The following SF1 variants were observed in gnomAD, a reference collection of about 807,000 sequenced individuals.
SF1 encodes the protein splicing factor 1.
SF1 carries 7 observed loss-of-function variants against 62.5 expected under a neutral mutation model. The ratio of observed to expected loss-of-function variants is 0.11; its 90% CI spans 0.06 to 0.21. The LOEUF (loss-of-function observed/expected upper bound fraction) is 0.21. Ranked by LOEUF, SF1 falls within the 10% of genes least tolerant of loss-of-function variation. The probability of loss-of-function intolerance (pLI) is 1.00; values close to 1 mark genes in which losing one functional copy is unlikely to be tolerated. For synonymous variants in SF1, 394 were observed against 323.6 expected, an observed-to-expected ratio of 1.22 and a Z score of -2.33; for missense variants, 578 against 884.0, an observed-to-expected ratio of 0.65 and a Z score of 4.39.
At chr11:64,775,292 C>T (rs1939012420) in intron 2 of SF1, among the ~76,000 whole-genome samples, 1 of 152,140 alleles carries the variant, frequency 6.6e-6, no homozygotes, top group Non-Finnish European at 1.5e-5. Context: ...ACTAGCCCTC[C>T]ACAAAAACAG....
chr11:64,778,043 G>A (rs1243816848), intron 1 of SF1: 4 of 1,010,952 alleles, frequency 4.0e-6, no homozygotes, highest in East Asian at 1.9e-4. Flanking sequence ...CTGGGGTGGC[G>A]GCGGCTGCGG....
At chr11:64,777,883 C>G (rs1939609470) in intron 1 of SF1, 14 of 937,232 alleles carry the variant, frequency 1.5e-5, no homozygotes, top group Non-Finnish European at 1.8e-5. Flanking sequence ...CGTGCGCGCA[C>G]GCGCGCCCCT....
rs539733038 is a variant in SF1 at position 64,769,791 on chromosome 11, G to A, written c.479+173C>T. 3.0e-4 allele frequency: 216 copies of A among 720,444 alleles called. 1 individual carries two copies. Among genetic ancestry groups the A allele is most frequent in the East Asian group, 2.6e-3 (98 of 38,034 alleles). 44.6% of individuals were successfully genotyped at this position (720,444 alleles called of 1,614,324 possible). ...GTAAACCTGAGGATTTGACTTCTCC[G>A]CACTAGTGGGGAAGTTAAGACACCT... On this transcript the variant is annotated intron_variant, in intron 5 of 12. Transcript: ENST00000377390.
chr11:64,766,841 T>G (rs956211734), intron 12 of SF1, 59 bp downstream of exon 12: 9 of 1,321,756 alleles, frequency 6.8e-6, no homozygotes, highest in Middle Eastern at 2.8e-4. Context: ...GGCTCTATGG[T>G]TCCTGTCAGC....
intron 1 of SF1, chr11:64,777,455 G>C (rs1162069702): frequency 1.0e-6 from 1 of 973,262 alleles, no homozygotes; most frequent in African/African-American, 1.8e-5. Flanking sequence ...CCCCAAAAGA[G>C]ACCAAGAAAG....
intron 3 of SF1, among the ~76,000 whole-genome samples, chr11:64,771,257 G>T (rs1288798882): frequency 6.6e-6 from 1 of 152,132 alleles, no homozygotes; most frequent in African/African-American, 2.4e-5. Flanking sequence ...GTAAAAAAAT[G>T]TAATGATAAA....
At chr11:64,778,296 G>A (rs1939744725) in intron 1 of SF1, 66 bp downstream of exon 1, 1 of 1,218,264 alleles carries the variant, frequency 8.2e-7, no homozygotes, top group Non-Finnish European at 1.0e-6. Flanking sequence ...GGTGCAGGCG[G>A]AGGGCCCGGC....
chr11:64,778,480 G>T lies in SF1; in HGVS notation c.-88C>A. 8.3e-7 allele frequency: 1 copy of T among 1,207,166 alleles called. No homozygotes were observed. Among genetic ancestry groups the T allele is most frequent in the South Asian group, 4.1e-5 (1 of 24,204 alleles). The allele number at this position is 1,207,166 out of a possible 1,614,324, so 74.8% of individuals were successfully genotyped here. ...CCTCCCGGGGGGAGGGGACCCGAAT[G>T]CGCTGCCGGAGCGCGCGGAGCCCGT... On this transcript the variant is annotated 5_prime_UTR_variant, in exon 1 of 13. Coordinates refer to ENST00000377390, the MANE Select transcript of SF1 (RefSeq NM_004630.4).
chr11:64,777,743 C>A (rs148736612), intron 1 of SF1: 12,351 of 985,626 alleles, frequency 0.013, 83 homozygotes, highest in Non-Finnish European at 0.014. Flanking sequence ...CCGCACAGCC[C>A]GGCCACCTCA....
At chr11:64,778,050 G>A in intron 1 of SF1, 1 of 1,011,276 alleles carries the variant, frequency 9.9e-7, no homozygotes, top group Non-Finnish European at 1.2e-6. Context: ...GGCGGCGGCT[G>A]CGGCGGCGAC....
intron 2 of SF1, among the ~76,000 whole-genome samples, chr11:64,775,736 A>G (rs1380335270): frequency 6.6e-6 from 1 of 152,218 alleles, no homozygotes; most frequent in Non-Finnish European, 1.5e-5. Context: ...AACTTGCATT[A>G]AAAACTTTTT....
chr11:64,766,718 A>T (rs2058699329), intron 12 of SF1, 182 bp downstream of exon 12: 1 of 484,568 alleles, frequency 2.1e-6, no homozygotes, highest in Non-Finnish European at 3.6e-6. Context: ...CACACCAAAC[A>T]TCAGCTCTCC....
At chr11:64,776,254 T>C in intron 2 of SF1, 1 of 440,160 alleles carries the variant, frequency 2.3e-6, no homozygotes, top group Non-Finnish European at 4.1e-6. Context: ...GGACTGTTCT[T>C]ACTCCTAAGT....
chr11:64,769,671 G>T, intron 5 of SF1, 62 bp from the exon 6 acceptor site: 1 of 1,478,950 alleles, frequency 6.8e-7, no homozygotes. Flanking sequence ...GGGAAGAGAG[G>T]CTGGACCAAT....
Position 64,768,119 on chromosome 11 carries a change from T to C in SF1, c.1055A>G (p.Asn352Ser). ...SAPRPAAPAN[N>S]PPPPSLMSTT... ...CCCCAGGCTCACCGGTGGAGGTGGG[T>C]TGTTGGCGGGAGCAGCAGGACGAGG... The change falls in exon 9 of 13, where the codon AAC becomes AGC. Residue 352 changes from asparagine to serine, a missense_variant. This residue lies in a region of SF1 where 410 missense variants were observed against 452.4 expected (regional missense o/e 0.91). Coordinates refer to ENST00000377390, the MANE Select transcript of SF1 (RefSeq NM_004630.4). The C allele has an allele frequency of 1.2e-6, 2 of 1,609,490 alleles. No homozygotes were observed. The highest frequency in any genetic ancestry group is 8.5e-7 in the Non-Finnish European group (1 of 1,177,648).
chr11:64,769,751 T>C (rs1565567001), intron 5 of SF1, 142 bp from the exon 6 acceptor site: 3 of 832,782 alleles, frequency 3.6e-6, no homozygotes, highest in African/African-American at 3.4e-5. Flanking sequence ...GAACTCTATA[T>C]TATGGTCAGC....
At chr11:64,772,622 G>A in intron 3 of SF1, 1 of 985,204 alleles carries the variant, frequency 1.0e-6, no homozygotes, top group Non-Finnish European at 1.2e-6. Context: ...AGAAAATTCA[G>A]TGAGAGGGAG....
chr11:64,773,004 C>T (rs916221411), intron 3 of SF1: 1 of 1,005,260 alleles, frequency 9.9e-7, no homozygotes, highest in African/African-American at 1.7e-5. Flanking sequence ...CTGACCAGAG[C>T]TCCTGGCTTG....
At position 64,765,151 on chromosome 11, in the gene SF1, G is replaced by A; in HGVS notation, c.*667C>T. On this transcript the variant is annotated 3_prime_UTR_variant, in exon 13 of 13. Coordinates refer to ENST00000377390, the MANE Select transcript of SF1 (RefSeq NM_004630.4). ...ACCTTGAAAAACCCACAACCAGCTT[G>A]ACATGAATGGCCAAAGCCCTTGCCC... 3.4e-6 allele frequency: 1 copy of A among 294,432 alleles called. No individual in the cohort carries two copies. Among genetic ancestry groups the A allele is most frequent in the East Asian group, 5.8e-5 (1 of 17,270 alleles). 18.2% of individuals were successfully genotyped at this position (294,432 alleles called of 1,614,324 possible).
Sources: allele counts gnomAD v4.1 joint callset (sites outside exome capture counted in the v4.1 genomes callset), GRCh38; gene constraint gnomAD v4.1.1; regional missense constraint gnomAD v4.1.1; transcripts MANE v1.5; gene names NCBI Gene and HGNC (gene_info 2026-07-23, HGNC 2026-07-21).